Variants in FSHR observed in about 807,000 individuals in gnomAD.
FSHR encodes follicle-stimulating hormone receptor.
Under a neutral mutation model 52.1 loss-of-function variants are expected in FSHR, and 46 were observed. The ratio of observed to expected loss-of-function variants is 0.88; its 90% CI spans 0.70 to 1.13. The LOEUF (loss-of-function observed/expected upper bound fraction) is 1.13, where lower values mean the gene tolerates loss of function less well. FSHR is among the 50% of genes most tolerant of loss of function. The probability of loss-of-function intolerance (pLI) is 0.00; values close to 1 mark genes in which losing one functional copy is unlikely to be tolerated. For synonymous variants in FSHR, 399 were observed against 309.6 expected, an observed-to-expected ratio of 1.29 and a Z score of -3.03; for missense variants, 964 against 834.6, an observed-to-expected ratio of 1.16 and a Z score of -1.91.
intron 1 of FSHR, among the ~76,000 whole-genome samples, chr2:49,131,084 T>C (rs1015757067): frequency 4.6e-5 from 7 of 152,178 alleles, no homozygotes; most frequent in Non-Finnish European, 2.9e-5. Context: ...GAGCCATGTA[T>C]CAGTAGCTGG....
At chr2:48,969,003 T>C in intron 8 of FSHR, 120 bp from the exon 9 acceptor site, 14 of 904,916 alleles carry the variant, frequency 1.5e-5, no homozygotes, top group Non-Finnish European at 1.7e-6. Flanking sequence ...GGAGAGAGAC[T>C]CCGGTTCCTC....
intron 2 of FSHR, among the ~76,000 whole-genome samples, chr2:49,043,758 G>A (rs1160838459): frequency 6.6e-6 from 1 of 152,172 alleles, no homozygotes; most frequent in African/African-American, 2.4e-5. Context: ...CTCAGTGGGA[G>A]CCCACTGTGC....
At chr2:49,138,544 C>T (rs1672565342) in intron 1 of FSHR, among the ~76,000 whole-genome samples, 1 of 152,062 alleles carries the variant, frequency 6.6e-6, no homozygotes, top group African/African-American at 2.4e-5. Context: ...AGTACTGATA[C>T]ATTATAATTT....
chr2:49,091,000 A>G lies in FSHR; in HGVS notation c.153-22710T>C, dbSNP rs1174561659. ...CTGGAGTTTTGAGAATTCTCTATAT[A>G]TACTAGATAGAAGTCCTTTTTTAGA... On this transcript the variant is annotated intron_variant, in intron 1 of 9. Transcript: ENST00000406846. Among the ~76,000 whole-genome samples the G allele has an allele frequency of 4.0e-5, 6 of 151,856 alleles. No individual in the cohort carries two copies. In the East Asian group the frequency reaches 5.8e-4, roughly 15 times the overall value.
At chr2:49,068,354 G>T in intron 1 of FSHR, 64 bp from the exon 2 acceptor site, 1 of 1,328,550 alleles carries the variant, frequency 7.5e-7, no homozygotes, top group Non-Finnish European at 1.1e-6. Flanking sequence ...AGTTGCTAAT[G>T]TATTCATATC....
intron 1 of FSHR, among the ~76,000 whole-genome samples, chr2:49,079,369 G>T (rs1670076329): frequency 6.6e-6 from 1 of 151,986 alleles, no homozygotes; most frequent in Non-Finnish European, 1.5e-5. Context: ...GTTTGTTTTT[G>T]TATGGGTATG....
intron 8 of FSHR, among the ~76,000 whole-genome samples, chr2:48,973,915 C>T (rs151224226): frequency 6.6e-4 from 101 of 152,290 alleles, no homozygotes; most frequent in Middle Eastern, 3.4e-3. Context: ...TCTCCTCAGC[C>T]AGATTTCAAG....
At chr2:49,072,831 G>C (rs1191928083) in intron 1 of FSHR, among the ~76,000 whole-genome samples, 1 of 152,068 alleles carries the variant, frequency 6.6e-6, no homozygotes, top group Non-Finnish European at 1.5e-5. Context: ...TTATTACAGA[G>C]AACTACACCT....
intron 4 of FSHR, among the ~76,000 whole-genome samples, chr2:49,000,799 G>T (rs1666849174): frequency 6.6e-6 from 1 of 152,076 alleles, no homozygotes. Flanking sequence ...CTCTAGCTTG[G>T]GGAACACAGT....
chr2:49,033,905 T>A (rs760864138), intron 2 of FSHR, among the ~76,000 whole-genome samples: 1 of 152,208 alleles, frequency 6.6e-6, no homozygotes. Context: ...GAGCCCCTTA[T>A]ATCACATCTG....
intron 2 of FSHR, among the ~76,000 whole-genome samples, chr2:49,045,015 C>T (rs1401260473): frequency 4.6e-5 from 7 of 152,132 alleles, no homozygotes; most frequent in African/African-American, 1.7e-4. Context: ...TTATAAGTGA[C>T]TAATTGTACT....
At chr2:49,078,641 T>G (rs112524770) in intron 1 of FSHR, among the ~76,000 whole-genome samples, 2 of 152,112 alleles carry the variant, frequency 1.3e-5, no homozygotes, top group Admixed American at 1.3e-4. Context: ...AAAAGCCACA[T>G]GATTTTCTTA....
intron 8 of FSHR, among the ~76,000 whole-genome samples, chr2:48,979,008 T>A (rs1236274625): frequency 6.6e-6 from 1 of 152,180 alleles, no homozygotes; most frequent in African/African-American, 2.4e-5. Context: ...TTTTGGAGAC[T>A]GAGCAAGGCT....
intron 1 of FSHR, among the ~76,000 whole-genome samples, chr2:49,143,197 G>A (rs1459039154): frequency 6.6e-6 from 1 of 152,176 alleles, no homozygotes; most frequent in Non-Finnish European, 1.5e-5. Flanking sequence ...AGAGAAGTCA[G>A]CAGAGGAGAT....
chr2:48,994,630 G>GT (rs373377070), intron 4 of FSHR, among the ~76,000 whole-genome samples: 107,648 of 151,538 alleles, frequency 0.71, 39,154 homozygotes, highest in Admixed American at 0.81. Flanking sequence ...ATAAATTCAT[G>GT]CTGATGGAGG....
intron 6 of FSHR, among the ~76,000 whole-genome samples, chr2:48,987,397 GA>G (rs1675559926): frequency 6.6e-6 from 1 of 151,554 alleles, no homozygotes; most frequent in South Asian, 2.1e-4. Context: ...ATTTTTAGTA[GA>G]GACGGGTTTC....
intron 2 of FSHR, among the ~76,000 whole-genome samples, chr2:49,067,565 G>C (rs1235790577): frequency 6.6e-6 from 1 of 152,062 alleles, no homozygotes; most frequent in Non-Finnish European, 1.5e-5. Flanking sequence ...GATACCAAGA[G>C]CTTTCAAAGG....
chr2:48,962,952 G>A lies in FSHR; in HGVS notation c.1869C>T (p.Pro623=), dbSNP rs761868443. 2 of 1,614,030 alleles carry A rather than the reference G, an allele frequency of 1.2e-6. No homozygotes were observed. The highest frequency in any genetic ancestry group is 1.3e-5 in the African/African-American group (1 of 74,910). The change falls in exon 10 of 10, where the codon CCC becomes CCT. Residue 623 remains proline, a synonymous_variant. Coordinates refer to ENST00000406846, the MANE Select transcript of FSHR (RefSeq NM_000145.4). ...LFHPINSCAN[P]FLYAIFTKNF... Reference sequence around the variant, plus strand: ...TTTTGGTAAAGATGGCATAGAGGAAGGGGTTGGCACAGGAGTTGATGGGGT... The same window carrying A: ...TTTTGGTAAAGATGGCATAGAGGAAAGGGTTGGCACAGGAGTTGATGGGGT...
intron 4 of FSHR, among the ~76,000 whole-genome samples, chr2:48,995,129 C>T (rs1421968123): frequency 6.6e-6 from 1 of 152,034 alleles, no homozygotes; most frequent in Non-Finnish European, 1.5e-5. Flanking sequence ...CTTGAGTTAA[C>T]AGGGTCTGTG....
Sources: gnomAD v4.1 joint callset for allele counts (sites outside exome capture counted in the v4.1 genomes callset) on GRCh38, gnomAD v4.1.1 for gene constraint, MANE v1.5 for transcripts, NCBI Gene and HGNC (gene_info 2026-07-23, HGNC 2026-07-21) for gene names.